The following CNTN1 variants were observed in gnomAD, a reference collection of about 807,000 sequenced individuals.
CNTN1 encodes the protein contactin 1.
CNTN1 carries 38 observed loss-of-function variants against 126.4 expected under a neutral mutation model. The observed-to-expected ratio is 0.30, with a 90% CI of 0.23 to 0.39. The LOEUF (loss-of-function observed/expected upper bound fraction) is 0.39, where lower values mean the gene tolerates loss of function less well. Ranked by LOEUF, CNTN1 falls within the 10% of genes least tolerant of loss-of-function variation. The probability of loss-of-function intolerance (pLI) is 1.00; values close to 1 mark genes in which losing one functional copy is unlikely to be tolerated. For synonymous variants in CNTN1, 413 were observed against 422.6 expected (o/e 0.98, Z 0.28); for missense variants, 1,009 against 1,248.4 (o/e 0.81, Z 2.89).
intron 17 of CNTN1, among the ~76,000 whole-genome samples, chr12:40,995,721 T>C (rs1948196827): frequency 6.6e-6 from 1 of 152,192 alleles, no homozygotes; most frequent in Non-Finnish European, 1.5e-5. Flanking sequence ...TGTAGTGATA[T>C]GAGATGATTC....
intron 3 of CNTN1, among the ~76,000 whole-genome samples, chr12:40,914,833 G>A (rs774299207): frequency 1.3e-5 from 2 of 152,050 alleles, no homozygotes; most frequent in Admixed American, 6.6e-5. Context: ...AGGCACCAAT[G>A]TTATCCAGTT....
chr12:40,928,351 C>T (rs1463773344), intron 6 of CNTN1, among the ~76,000 whole-genome samples: 2 of 151,980 alleles, frequency 1.3e-5, no homozygotes, highest in African/African-American at 4.8e-5. Flanking sequence ...TACTTCTTTA[C>T]TTATCCCAGG....
At chr12:40,880,375 G>A (rs1381918163) in intron 1 of CNTN1, among the ~76,000 whole-genome samples, 1 of 152,110 alleles carries the variant, frequency 6.6e-6, no homozygotes, top group Non-Finnish European at 1.5e-5. Flanking sequence ...TCTTTCCTAA[G>A]TGGATGTAAA....
rs181899164 is a variant in CNTN1 at position 40,891,769 on chromosome 12, A to T, written c.-76-16588A>T. Among the ~76,000 whole-genome samples, 53 of 151,998 alleles carry T rather than the reference A, an allele frequency of 3.5e-4. 1 individual carries two copies. The highest frequency in any genetic ancestry group is 4.4e-5 in the Non-Finnish European group (3 of 67,942). On this transcript the variant is annotated intron_variant, in intron 1 of 23. Transcript: ENST00000551295. ...TATCTGTATTTTTCACCAGTACCAC[A>T]GTATCTTGGTGACCATAGCTTTATA...
intron 1 of CNTN1, among the ~76,000 whole-genome samples, chr12:40,768,465 C>T (rs186221646): frequency 6.6e-6 from 1 of 152,308 alleles, no homozygotes; most frequent in South Asian, 2.1e-4. Context: ...ATGGCCAAGA[C>T]GTGATCCATC....
At chr12:40,932,027 T>G (rs540625355) in intron 7 of CNTN1, among the ~76,000 whole-genome samples, 1 of 152,044 alleles carries the variant, frequency 6.6e-6, no homozygotes, top group East Asian at 1.9e-4. Context: ...TCTGAGACTG[T>G]CTTCTATATT....
chr12:40,800,968 C>T (rs1940623361), intron 1 of CNTN1, among the ~76,000 whole-genome samples: 2 of 146,238 alleles, frequency 1.4e-5, no homozygotes, highest in African/African-American at 5.1e-5. Flanking sequence ...AGTTTGGACA[C>T]AAAGTCAGAG....
chr12:40,822,148 CTTTTTTTTTTTT>C (rs777953120), intron 1 of CNTN1, among the ~76,000 whole-genome samples: 5 of 47,236 alleles, frequency 1.1e-4, no homozygotes, highest in Non-Finnish European at 2.1e-4. Context: ...AAATATAAAT[CTTTTTTTTTTTT>C]TTTTTTTTTT....
At chr12:40,791,500 G>T (rs1295760562) in intron 1 of CNTN1, among the ~76,000 whole-genome samples, 6 of 152,124 alleles carry the variant, frequency 3.9e-5, no homozygotes, top group Non-Finnish European at 4.4e-5. Flanking sequence ...AAGGGATGTT[G>T]ATTCAGTTAT....
intron 10 of CNTN1, 115 bp from the exon 11 acceptor site, chr12:40,937,455 A>C: frequency 1.3e-6 from 1 of 746,364 alleles, no homozygotes; most frequent in South Asian, 1.4e-5. Flanking sequence ...CTTAGGTAAC[A>C]GTGGGGGCAG....
chr12:40,787,357 C>T (rs1353964441), intron 1 of CNTN1, among the ~76,000 whole-genome samples: 8 of 152,120 alleles, frequency 5.3e-5, no homozygotes, highest in Non-Finnish European at 1.0e-4. Context: ...CACTTTTGGG[C>T]ACACGGGGAA....
intron 20 of CNTN1, among the ~76,000 whole-genome samples, chr12:41,024,672 C>T (rs1006969837): frequency 4.6e-5 from 7 of 152,052 alleles, no homozygotes; most frequent in African/African-American, 1.4e-4. Context: ...ATTACTTTAG[C>T]GTATTCTAGG....
intron 23 of CNTN1, among the ~76,000 whole-genome samples, chr12:41,052,646 A>G (rs953210704): frequency 6.6e-6 from 1 of 152,114 alleles, no homozygotes; most frequent in East Asian, 1.9e-4. Flanking sequence ...ATAAGTAAAT[A>G]TTTATATTTT....
chr12:40,758,724 C>T (rs904210545), intron 1 of CNTN1, among the ~76,000 whole-genome samples: 8 of 151,546 alleles, frequency 5.3e-5, no homozygotes, highest in African/African-American at 1.5e-4. Context: ...TTTTTTATAC[C>T]GCACCCACTT....
At chr12:40,704,543 A>G (rs1299375877) in intron 1 of CNTN1, among the ~76,000 whole-genome samples, 3 of 152,174 alleles carry the variant, frequency 2.0e-5, no homozygotes, top group Non-Finnish European at 1.5e-5. Flanking sequence ...TAAGACACAT[A>G]TATTTTAAAA....
chr12:41,064,299 T>A (rs555278143), intron 23 of CNTN1, among the ~76,000 whole-genome samples: 1 of 152,298 alleles, frequency 6.6e-6, no homozygotes, highest in East Asian at 1.9e-4. Flanking sequence ...GCTGTTAGGT[T>A]GGGGTTCTGT....
chr12:41,025,868 G>A (rs1430629101), intron 21 of CNTN1, among the ~76,000 whole-genome samples: 1 of 152,124 alleles, frequency 6.6e-6, no homozygotes, highest in Admixed American at 6.6e-5. Context: ...ATCTCTCTGG[G>A]TTCATTTTGA....
chr12:41,052,249 T>C (rs1949706018), intron 23 of CNTN1, among the ~76,000 whole-genome samples: 1 of 152,218 alleles, frequency 6.6e-6, no homozygotes. Context: ...AGACATTACT[T>C]GTTTTTATCT....
intron 17 of CNTN1, among the ~76,000 whole-genome samples, chr12:41,007,629 G>A (rs1948535081): frequency 6.6e-6 from 1 of 152,154 alleles, no homozygotes; most frequent in Non-Finnish European, 1.5e-5. Flanking sequence ...GGTTTGAGGA[G>A]GCGGTGCCTG....
Sources: gnomAD v4.1 joint callset for allele counts (sites outside exome capture counted in the v4.1 genomes callset) on GRCh38, gnomAD v4.1.1 for gene constraint, MANE v1.5 for transcripts, NCBI Gene and HGNC (gene_info 2026-07-23, HGNC 2026-07-21) for gene names.